The following CACNA1B variants were observed in gnomAD, a reference collection of about 807,000 sequenced individuals.
The protein encoded by CACNA1B is calcium voltage-gated channel subunit alpha1 B, also known as voltage-dependent N-type calcium channel subunit alpha-1B.
A neutral mutation model predicts 247.2 loss-of-function variants in CACNA1B; 70 were observed. The observed-to-expected ratio is 0.28, with a 90% CI of 0.23 to 0.35. The LOEUF is 0.35. CACNA1B is among the 10% of genes least tolerant of loss of function. CACNA1B has a pLI of 1.00. For missense variants in CACNA1B, 2,367 were observed against 3,197.4 expected, an observed-to-expected ratio of 0.74 and a Z score of 6.26; for synonymous variants, 1,231 against 1,294.4, an observed-to-expected ratio of 0.95 and a Z score of 1.05.
rs747384909 is a variant in CACNA1B at position 138,120,862 on chromosome 9, A to G, written c.6470A>G (p.Glu2157Gly). ...CCAACGTCGCCAACAGCTGGCCAGG[A>G]GCCGGGACCCCACCCACAGGTAAGA... ...SHPTSPTAGQ[E>G]PGPHPQGSGS... is the part of the protein sequence containing the mutation. Residue 2157 changes from glutamate (E) to glycine (G), a missense_variant, in exon 46 of 47, where the codon GAG (glutamate) becomes GGG (glycine). Coordinates refer to ENST00000371372, the MANE Select transcript of CACNA1B (RefSeq NM_000718.4). The G allele has an allele frequency of 2.0e-5, 32 of 1,571,896 alleles. No individual in the cohort carries two copies. The highest frequency in any genetic ancestry group is 2.7e-5 in the African/African-American group (2 of 73,688).
chr9:137,897,953 A>T (rs181807543), intron 3 of CACNA1B, among the ~76,000 whole-genome samples: 1 of 152,284 alleles, frequency 6.6e-6, no homozygotes, highest in Non-Finnish European at 1.5e-5. Flanking sequence ...TAAAATAAAA[A>T]TAATATTCTT....
Position 137,919,614 on chromosome 9 carries a change from G to A in CACNA1B, c.966+2183G>A, listed in dbSNP as rs1957454541. Among the ~76,000 whole-genome samples, 1 of 152,264 alleles carries A rather than the reference G, an allele frequency of 6.6e-6. No individual in the cohort carries two copies. Among genetic ancestry groups the A allele is most frequent in the African/African-American group, 2.4e-5 (1 of 41,470 alleles). On this transcript the variant is annotated intron_variant, in intron 6 of 46. Coordinates refer to ENST00000371372, the MANE Select transcript of CACNA1B (RefSeq NM_000718.4). The surrounding 1 kb of genome is among the most constrained non-coding windows in gnomAD (Gnocchi z 4.6). ...GAGCCCGCCCCTCACCTCCAACCCA[G>A]TGAGAGGGACTTTTGTGGCCCCTCG...
In CACNA1B at chr9:137,882,962, T is replaced by C. The variant is rs2133222213; in HGVS notation, c.530+79T>C. Reference sequence around the variant, plus strand: ...CTGAAGCTCAGTTGCGCCGTGGAGCTGGGGCAGCTGCAGTCCCCTCACTGG... The same window carrying C: ...CTGAAGCTCAGTTGCGCCGTGGAGCCGGGGCAGCTGCAGTCCCCTCACTGG... On this transcript the variant is annotated intron_variant, in intron 3 of 46. Transcript: ENST00000371372. The surrounding 1 kb of genome is among the most constrained non-coding windows in gnomAD (Gnocchi z 4.0). 1 of 1,472,518 alleles carries C rather than the reference T, an allele frequency of 6.8e-7. No homozygotes were observed. Among genetic ancestry groups the C allele is most frequent in the Non-Finnish European group, 9.4e-7 (1 of 1,062,582 alleles). 91.2% of individuals were successfully genotyped at this position (1,472,518 alleles called of 1,614,324 possible).
rs1957430744 is a variant in CACNA1B at position 137,917,941 on chromosome 9, G to A, written c.966+510G>A. 6.6e-6 allele frequency among the ~76,000 whole-genome samples: 1 copy of A among 152,224 alleles called. No homozygotes were observed. The highest frequency in any genetic ancestry group is 2.4e-5 in the African/African-American group (1 of 41,460). On this transcript the variant is annotated intron_variant, in intron 6 of 46. Transcript: ENST00000371372. This position sits in a 1 kb window ranked among gnomAD's most constrained non-coding sequence, Gnocchi z 5.5. ...CCTCTAGGGTCTCTGTTGGAGTTGA[G>A]GGACAGTAGGGCTGCTGGGCCTCCC... is the stretch of plus-strand genomic sequence containing the variant.
At chr9:137,960,565 C>A (rs1465518161) in intron 10 of CACNA1B, among the ~76,000 whole-genome samples, 2 of 149,844 alleles carry the variant, frequency 1.3e-5, no homozygotes, top group Non-Finnish European at 3.0e-5. Context: ...GAGGTGAGGT[C>A]GGCCTGAGGG....
At position 138,075,908 on chromosome 9, in the gene CACNA1B, C is replaced by G; in HGVS notation, c.4947C>G (p.Phe1649Leu). The change falls in exon 35 of 47, where the codon TTC becomes TTG. Residue 1649 changes from phenylalanine to leucine, a missense_variant and splice_region_variant. Coordinates refer to ENST00000371372, the MANE Select transcript of CACNA1B (RefSeq NM_000718.4). ...RTFLQALMLL[F>L]RSATGEAWHE... is the part of the protein sequence containing the mutation. The stretch of plus-strand genomic sequence containing the variant: ...TTTTGCAAGCCCTGATGCTGCTGTT[C>G]AGGTGTGTTGTTCGGTCAGCCCAGG... 1 of 1,603,988 alleles carries G rather than the reference C, an allele frequency of 6.2e-7. No individual in the cohort carries two copies. Among genetic ancestry groups the G allele is most frequent in the Non-Finnish European group, 8.5e-7 (1 of 1,172,828 alleles).
At chr9:138,078,409 C>T (rs1216427683) in intron 36 of CACNA1B, among the ~76,000 whole-genome samples, 151 bp downstream of exon 36, 2 of 152,232 alleles carry the variant, frequency 1.3e-5, no homozygotes, top group Non-Finnish European at 2.9e-5. Context: ...CCAGAGATGG[C>T]GACTTTGTTA....
At chr9:138,105,218 C>T (rs1192512729) in intron 38 of CACNA1B, among the ~76,000 whole-genome samples, 4 of 152,232 alleles carry the variant, frequency 2.6e-5, no homozygotes, top group Admixed American at 2.6e-4. Flanking sequence ...GTAGGGGCCC[C>T]CACTGGGAGC....
chr9:138,120,913 A>G, intron 46 of CACNA1B, 32 bp downstream of exon 46: 1 of 1,537,438 alleles, frequency 6.5e-7, no homozygotes, highest in Non-Finnish European at 8.7e-7. Context: ...GTCAGGGCCC[A>G]GCTGCCTCTC....
Position 138,105,805 on chromosome 9 carries a change from C to T in CACNA1B, c.5426C>T (p.Pro1809Leu). The change falls in exon 39 of 47, where the codon CCA (proline) becomes CTA (leucine). Residue 1809 changes from proline to leucine, a missense_variant and splice_region_variant. Pro to Leu is a moderately conservative substitution (Grantham distance 98). Around this residue, in one of 12 missense-constraint regions of CACNA1B, gnomAD observed 773 missense variants for 779.4 expected, o/e 0.99. Transcript: ENST00000371372. ...IRTALEIKLA[P>L]AGTKQHQCDA... ...ACGGCACTGGAGATCAAGCTGGCCC[C>T]AGGTGAGCAAGGCAGCCTCGGAAGG... 6.5e-7 allele frequency: 1 copy of T among 1,536,134 alleles called. No individual in the cohort carries two copies. The highest frequency in any genetic ancestry group is 8.8e-7 in the Non-Finnish European group (1 of 1,134,002).
At chr9:137,942,344 G>A (rs539891727) in intron 6 of CACNA1B, among the ~76,000 whole-genome samples, 14 of 152,274 alleles carry the variant, frequency 9.2e-5, no homozygotes, top group African/African-American at 2.9e-4. Context: ...GCATGGATGC[G>A]GTGAACAGGG....
At position 137,955,570 on chromosome 9, in the gene CACNA1B, G is replaced by A; in HGVS notation, c.1071-128G>A. On this transcript the variant is annotated intron_variant, in intron 7 of 46. Coordinates refer to ENST00000371372, the MANE Select transcript of CACNA1B (RefSeq NM_000718.4). This position sits in a 1 kb window ranked among gnomAD's most constrained non-coding sequence, Gnocchi z 6.9. The stretch of plus-strand genomic sequence containing the variant: ...GAAGAGGCCTGGGTGGCAGGGGCCT[G>A]CCTGAAGCAGCAGCCTGCAGCCTGC... The A allele has an allele frequency of 1.5e-6, 1 of 657,594 alleles. No homozygotes were observed. The highest frequency in any genetic ancestry group is 3.2e-4 in the Middle Eastern group (1 of 3,108). 40.7% of individuals were successfully genotyped at this position (657,594 alleles called of 1,614,324 possible).
Position 138,118,001 on chromosome 9 carries a change from C to A in CACNA1B, c.5833C>A (p.Gln1945Lys). 1 of 1,601,036 alleles carries A rather than the reference C, an allele frequency of 6.2e-7. No homozygotes were observed. Among genetic ancestry groups the A allele is most frequent in the African/African-American group, 1.3e-5 (1 of 74,246 alleles). ...ESVSWGTQRT[Q>K]DAPHEARPPL... ...TGTCTCCTGGGGCACTCAAAGGACC[C>A]AGGATGCACCCCATGAGGCCAGGCC... Residue 1945 changes from glutamine (Q) to lysine (K), a missense_variant, in exon 43 of 47, where the codon CAG becomes AAG. By Grantham distance (53) the Gln-to-Lys change is moderately conservative. Around this residue, in one of 12 missense-constraint regions of CACNA1B, gnomAD observed 773 missense variants for 779.4 expected, o/e 0.99. Coordinates refer to ENST00000371372, the MANE Select transcript of CACNA1B (RefSeq NM_000718.4).
chr9:137,886,077 G>A (rs1353698816), intron 3 of CACNA1B, among the ~76,000 whole-genome samples: 1 of 151,472 alleles, frequency 6.6e-6, no homozygotes, highest in Non-Finnish European at 1.5e-5. Context: ...AGGGCTCCTG[G>A]CGCCTGGCCG....
chr9:137,935,420 A>G (rs1193106207), intron 6 of CACNA1B, among the ~76,000 whole-genome samples: 1 of 152,210 alleles, frequency 6.6e-6, no homozygotes, highest in Non-Finnish European at 1.5e-5. Context: ...ATGTCCCTAC[A>G]AAGGACATGA....
chr9:138,023,573 A>G lies in CACNA1B; in HGVS notation c.2830A>G (p.Ser944Gly). The G allele has an allele frequency of 9.2e-7, 1 of 1,084,100 alleles. No homozygotes were observed. Among genetic ancestry groups the G allele is most frequent in the South Asian group, 3.2e-5 (1 of 30,910 alleles). 67.2% of individuals were successfully genotyped at this position (1,084,100 alleles called of 1,614,324 possible). Residue 944 changes from serine to glycine, a missense_variant, in exon 19 of 47, where the codon AGC (serine) becomes GGC (glycine). Transcript: ENST00000371372. ...RHRAHRHQDP[S>G]KECAGAKGER... The stretch of plus-strand genomic sequence containing the variant: ...CCGCGCGCACCGGCACCAGGATCCG[A>G]GCAAGGAGTGCGCCGGCGCCAAGGG...
intron 3 of CACNA1B, chr9:137,892,444 A>G (rs1262150740): frequency 2.3e-6 from 1 of 438,786 alleles, no homozygotes; most frequent in Non-Finnish European, 4.6e-6. Context: ...GCATCATTGC[A>G]TCGTGAAATG....
chr9:138,067,313 T>C (rs1445664428), intron 31 of CACNA1B, among the ~76,000 whole-genome samples: 1 of 152,242 alleles, frequency 6.6e-6, no homozygotes, highest in East Asian at 1.9e-4. Flanking sequence ...GGAAAGATCA[T>C]TCCACTCTTA....
intron 37 of CACNA1B, among the ~76,000 whole-genome samples, chr9:138,099,884 C>A (rs1266864416): frequency 6.6e-6 from 1 of 152,240 alleles, no homozygotes; most frequent in African/African-American, 2.4e-5. Flanking sequence ...ACACTTCTTG[C>A]AGCAATCTGG....
Sources: allele counts gnomAD v4.1 joint callset (sites outside exome capture counted in the v4.1 genomes callset), GRCh38; gene constraint gnomAD v4.1.1; regional missense constraint gnomAD v4.1.1; non-coding constraint Gnocchi (gnomAD v3.1); transcripts MANE v1.5; gene names NCBI Gene and HGNC (gene_info 2026-07-23, HGNC 2026-07-21).